Variants in SCN10A observed in about 807,000 individuals in gnomAD.
SCN10A encodes the protein sodium voltage-gated channel alpha subunit 10.
Under a neutral mutation model 170.7 loss-of-function variants are expected in SCN10A, and 162 were observed. That is an observed-to-expected ratio of 0.95 (90% CI 0.84 to 1.08). The LOEUF (loss-of-function observed/expected upper bound fraction) is 1.08, where lower values mean the gene tolerates loss of function less well. SCN10A is among the 50% of genes least tolerant of loss of function. The probability of loss-of-function intolerance (pLI) is 0.00; values close to 1 mark genes in which losing one functional copy is unlikely to be tolerated. For missense variants in SCN10A, 2,527 were observed against 2,436.9 expected (o/e 1.04, Z -0.78); for synonymous variants, 985 against 904.6 (o/e 1.09, Z -1.59).
chr3:38,812,308 C>T (rs1313338618), intron 1 of SCN10A, among the ~76,000 whole-genome samples: 1 of 152,122 alleles, frequency 6.6e-6, no homozygotes, highest in African/African-American at 2.4e-5. Context: ...GCAGAGAAGC[C>T]ACTAAAGCCT....
At chr3:38,788,871 G>C (rs1157087907) in intron 4 of SCN10A, 85 bp downstream of exon 4, 1 of 822,284 alleles carries the variant, frequency 1.2e-6, no homozygotes, top group Non-Finnish European at 2.1e-6. Flanking sequence ...GGCATGGCAG[G>C]ATAAATAAAA....
intron 27 of SCN10A, 101 bp downstream of exon 27, chr3:38,701,738 T>C: frequency 4.4e-6 from 5 of 1,128,078 alleles, no homozygotes; most frequent in Non-Finnish European, 6.3e-6. Flanking sequence ...CATAAACACG[T>C]ATTTCAAAAA....
Position 38,793,602 on chromosome 3 carries a change from A to T in SCN10A, c.270+139T>A, listed in dbSNP as rs760534890. ...CATCAAATAAGTTAGAGATATATAT[A>T]TATATTTTTTTTGGTTGTTAACGGA... On this transcript the variant is annotated intron_variant, in intron 2 of 27. Coordinates refer to ENST00000449082, the MANE Select transcript of SCN10A (RefSeq NM_006514.4). The T allele has an allele frequency of 5.8e-6, 4 of 695,500 alleles. No individual in the cohort carries two copies. In the South Asian group the frequency reaches 6.0e-5, roughly 10 times the overall value. 43.1% of individuals were successfully genotyped at this position (695,500 alleles called of 1,614,324 possible). A position where few individuals can be genotyped will look rare whatever the true frequency, so the allele number is the denominator to read the frequency against.
intron 5 of SCN10A, among the ~76,000 whole-genome samples, chr3:38,768,481 C>T (rs182790885): frequency 6.6e-6 from 1 of 152,156 alleles, no homozygotes; most frequent in East Asian, 1.9e-4. Context: ...AAAACTTTAT[C>T]TTGTCTTCAC....
rs772182443 is a variant in SCN10A at position 38,722,431 on chromosome 3, G to A, written c.3353-19C>T. 6.2e-7 allele frequency: 1 copy of A among 1,610,640 alleles called. No individual in the cohort carries two copies. Among genetic ancestry groups the A allele is most frequent in the East Asian group, 2.2e-5 (1 of 44,854 alleles). On this transcript the variant is annotated intron_variant, in intron 19 of 27. Transcript: ENST00000449082. Reference sequence around the variant, plus strand: ...ATGCATCCTGTGGGGAGAGGTGACTGATGGTGGGTGATGGCCAGTGGGCAA... The same window carrying A: ...ATGCATCCTGTGGGGAGAGGTGACTAATGGTGGGTGATGGCCAGTGGGCAA...
chr3:38,761,018 C>T (rs1048658191), intron 7 of SCN10A, among the ~76,000 whole-genome samples, 174 bp downstream of exon 7: 1 of 152,088 alleles, frequency 6.6e-6, no homozygotes, highest in African/African-American at 2.4e-5. Context: ...GGATGCTGAG[C>T]AACAGGAAAT....
At chr3:38,742,688 G>A (rs2126015433) in intron 13 of SCN10A, among the ~76,000 whole-genome samples, 159 bp from the exon 14 acceptor site, 1 of 152,164 alleles carries the variant, frequency 6.6e-6, no homozygotes, top group Middle Eastern at 3.4e-3. Context: ...CCTATATTTT[G>A]AACTCCTTTA....
At chr3:38,699,199 T>TG (rs1491121849) in intron 27 of SCN10A, among the ~76,000 whole-genome samples, 1 of 6,306 alleles carries the variant, frequency 1.6e-4, no homozygotes, top group African/African-American at 7.4e-4. Flanking sequence ...CCTTAATTTG[T>TG]TTTTTTTTTT....
chr3:38,747,763 G>A (rs139497781), intron 13 of SCN10A, among the ~76,000 whole-genome samples: 176 of 152,290 alleles, frequency 1.2e-3, no homozygotes, highest in African/African-American at 3.1e-3. Context: ...CTTGCAGAAT[G>A]CATTGTACTT....
chr3:38,724,953 C>G (rs568148811), intron 18 of SCN10A, among the ~76,000 whole-genome samples: 236 of 152,318 alleles, frequency 1.5e-3, no homozygotes, highest in Non-Finnish European at 2.7e-3. Flanking sequence ...TAGAACCACC[C>G]TGGAGTGAGA....
At chr3:38,815,209 G>C (rs1028235273) in intron 1 of SCN10A, among the ~76,000 whole-genome samples, 3 of 152,188 alleles carry the variant, frequency 2.0e-5, no homozygotes, top group Non-Finnish European at 4.4e-5. Context: ...CTTTGGTCTT[G>C]CCTGTTGTCA....
In SCN10A at chr3:38,723,443, G is replaced by A. The variant is rs969881678; in HGVS notation, c.3339C>T (p.Asp1113=). 2 of 1,614,166 alleles carry A rather than the reference G, an allele frequency of 1.2e-6. No individual in the cohort carries two copies. The highest frequency in any genetic ancestry group is 1.3e-5 in the African/African-American group (1 of 75,040). ...ELADDLEEPD[D]CFTEGCIRHC... The stretch of plus-strand genomic sequence containing the variant: ...CTGTCCCTTCACCTTCTGTGAAGCA[G>A]TCATCTGGTTCTTCCAGGTCATCTG... Residue 1113 remains aspartate (D), a synonymous_variant, in exon 19 of 28, where the codon GAC becomes GAT. Coordinates refer to ENST00000449082, the MANE Select transcript of SCN10A (RefSeq NM_006514.4).
At chr3:38,755,655 AG>A in intron 11 of SCN10A, 132 bp downstream of exon 11, 1 of 956,094 alleles carries the variant, frequency 1.0e-6, no homozygotes, top group Non-Finnish European at 1.6e-6. Flanking sequence ...ACCATTTTGG[AG>A]GGGTGTCTGG....
chr3:38,763,291 G>A (rs2063895937), intron 6 of SCN10A, among the ~76,000 whole-genome samples: 1 of 152,188 alleles, frequency 6.6e-6, no homozygotes, highest in Admixed American at 6.5e-5. Flanking sequence ...AAGAGCACTG[G>A]CCTAGGAGTT....
chr3:38,731,852 A>C (rs2063516197), intron 15 of SCN10A, among the ~76,000 whole-genome samples: 1 of 152,214 alleles, frequency 6.6e-6, no homozygotes, highest in South Asian at 2.1e-4. Context: ...TCCACCCACT[A>C]AACATTTTCT....
chr3:38,729,418 T>C (rs2063492769), intron 15 of SCN10A, among the ~76,000 whole-genome samples: 1 of 152,200 alleles, frequency 6.6e-6, no homozygotes, highest in African/African-American at 2.4e-5. Context: ...GCTTTGAAAC[T>C]GCAAATGTCC....
chr3:38,737,790 C>CT (rs1559433796), intron 15 of SCN10A, among the ~76,000 whole-genome samples: 171 of 43,824 alleles, frequency 3.9e-3, no homozygotes, highest in African/African-American at 0.019. Flanking sequence ...CCCTCCCTCC[C>CT]TCCCTTCCTC....
At position 38,771,261 on chromosome 3, in the gene SCN10A, G is replaced by T. The variant is rs745850175; in HGVS notation, c.599+18C>A. 6.2e-7 allele frequency: 1 copy of T among 1,612,688 alleles called. No homozygotes were observed. Among genetic ancestry groups the T allele is most frequent in the African/African-American group, 1.3e-5 (1 of 74,910 alleles). On this transcript the variant is annotated intron_variant, in intron 5 of 27. Coordinates refer to ENST00000449082, the MANE Select transcript of SCN10A (RefSeq NM_006514.4). Reference sequence around the variant, plus strand: ...CCTCTCCTATCACACATGCAGATCTGCATAGAGATATACTCACGCCAGGGT... The same window carrying T: ...CCTCTCCTATCACACATGCAGATCTTCATAGAGATATACTCACGCCAGGGT...
At position 38,797,807 on chromosome 3, in the gene SCN10A, CCTGGAG is replaced by C. The variant is rs1296348246; in HGVS notation, c.-32-3771_-32-3766del. On this transcript the variant is annotated intron_variant, in intron 1 of 27. Coordinates refer to ENST00000449082, the MANE Select transcript of SCN10A (RefSeq NM_006514.4). ...ACAGGACTAAGCCAGAATTCCAGGT[CCTGGAG>C]CTGGAGCTTGAGGTCAAAGCAGACT... Among the ~76,000 whole-genome samples, 9 of 152,302 alleles carry C rather than the reference CCTGGAG, an allele frequency of 5.9e-5. 1 individual carries two copies. The highest frequency in any genetic ancestry group is 1.9e-4 in the East Asian group (1 of 5,174).
Sources: allele counts gnomAD v4.1 joint callset (sites outside exome capture counted in the v4.1 genomes callset), GRCh38; gene constraint gnomAD v4.1.1; transcripts MANE v1.5; gene names NCBI Gene and HGNC (gene_info 2026-07-23, HGNC 2026-07-21).